NLRP14: variants seen among roughly 807,000 people sequenced by gnomAD.
NLRP14 encodes NACHT, LRR and PYD domains-containing protein 14.
A neutral mutation model predicts 94.7 loss-of-function variants in NLRP14; 105 were observed. The observed-to-expected ratio is 1.11, with a 90% CI of 0.95 to 1.30. The LOEUF (loss-of-function observed/expected upper bound fraction) is 1.30. NLRP14 is among the 50% of genes most tolerant of loss of function. The pLI is 0.00. For synonymous variants in NLRP14, 508 were observed against 459.9 expected, an observed-to-expected ratio of 1.10 and a Z score of -1.34; for missense variants, 1,362 against 1,254.1, an observed-to-expected ratio of 1.09 and a Z score of -1.30.
intron 1 of NLRP14, among the ~76,000 whole-genome samples, chr11:7,030,027 G>C (rs1852069566): frequency 6.6e-6 from 1 of 152,174 alleles, no homozygotes; most frequent in African/African-American, 2.4e-5. Context: ...CTGAAGAAAT[G>C]CTGTCTTAAA....
At chr11:7,076,370 C>G (rs1431569519), downstream of NLRP14, among the ~76,000 whole-genome samples, 2 of 151,992 alleles carry the variant, frequency 1.3e-5, no homozygotes, top group African/African-American at 4.8e-5. Flanking sequence ...TTATCGTTTT[C>G]TTTTTAATTT....
rs373605404 is a variant in NLRP14, at chr11:7,043,101, A to T, written c.1075A>T (p.Asn359Tyr). Reference sequence around the variant, plus strand: ...GAAAGTATTCAGTTCACTAAAAAGCAATGAGATGCTGTTTAGCATGTGCCA... The same window carrying T: ...GAAAGTATTCAGTTCACTAAAAAGCTATGAGATGCTGTTTAGCATGTGCCA... ...AMKVFSSLKSNEMLFSMCQVP... is the reference protein window; with the variant it reads ...AMKVFSSLKSYEMLFSMCQVP... Residue 359 changes from asparagine to tyrosine, a missense_variant, in exon 4 of 12, where the codon AAT (asparagine) becomes TAT (tyrosine). By Grantham distance (143) the Asn-to-Tyr change is moderately radical (BLOSUM62 -2). Coordinates refer to ENST00000299481, the MANE Select transcript of NLRP14 (RefSeq NM_176822.4). 1 of 1,614,070 alleles carries T rather than the reference A, an allele frequency of 6.2e-7. No individual in the cohort carries two copies. The highest frequency in any genetic ancestry group is 1.3e-5 in the African/African-American group (1 of 74,934).
intron 10 of NLRP14, among the ~76,000 whole-genome samples, chr11:7,066,391 G>T (rs1269064164): frequency 6.6e-6 from 1 of 152,092 alleles, no homozygotes; most frequent in African/African-American, 2.4e-5. Context: ...ACTTTTTAAT[G>T]ATCACCATTC....
At chr11:7,053,690 A>G (rs932362483) in intron 6 of NLRP14, among the ~76,000 whole-genome samples, 5 of 151,712 alleles carry the variant, frequency 3.3e-5, no homozygotes, top group African/African-American at 1.2e-4. Flanking sequence ...GTAGGTGTGT[A>G]TACTTACGGG....
chr11:7,036,411 G>A (rs1852160823), intron 1 of NLRP14, among the ~76,000 whole-genome samples: 1 of 152,072 alleles, frequency 6.6e-6, no homozygotes, highest in Non-Finnish European at 1.5e-5. Context: ...AAGCTAATAG[G>A]GTTCAGACTC....
chr11:7,031,409 C>T (rs191829889), intron 1 of NLRP14, among the ~76,000 whole-genome samples: 1 of 152,114 alleles, frequency 6.6e-6, no homozygotes, highest in Non-Finnish European at 1.5e-5. Flanking sequence ...GGCATGGCGC[C>T]GGCCATGACC....
intron 6 of NLRP14, among the ~76,000 whole-genome samples, chr11:7,054,213 G>C (rs1852486070): frequency 6.6e-6 from 1 of 152,126 alleles, no homozygotes; most frequent in Non-Finnish European, 1.5e-5. Flanking sequence ...CCTTTTGATG[G>C]ACATTTAGGT....
In NLRP14 at chr11:7,059,991, T is replaced by A. The variant is rs375637629; in HGVS notation, c.2731T>A (p.Trp911Arg). Residue 911 changes from tryptophan to arginine, a missense_variant, in exon 9 of 12, where the codon TGG becomes AGG. Coordinates refer to ENST00000299481, the MANE Select transcript of NLRP14 (RefSeq NM_176822.4). Reference protein sequence around the residue: ...SLTHLDLGSNWLQDNGVKLLC... With the variant: ...SLTHLDLGSNRLQDNGVKLLC... ...GACGCATCTGGATCTAGGATCAAAC[T>A]GGCTACAAGACAATGGAGTGAAGCT... The A allele has an allele frequency of 6.2e-6, 10 of 1,612,772 alleles. No homozygotes were observed. In the East Asian group the frequency reaches 1.3e-4, roughly 22 times the overall value.
chr11:7,060,918 G>T (rs1208205685), intron 9 of NLRP14, among the ~76,000 whole-genome samples: 1 of 151,978 alleles, frequency 6.6e-6, no homozygotes, highest in African/African-American at 2.4e-5. Context: ...TTATTTTAAT[G>T]ACTGTATGGT....
At chr11:7,084,492 G>A in the NLRP14 span, among the ~76,000 whole-genome samples, 3 of 152,048 alleles carry the variant, frequency 2.0e-5, no homozygotes, top group African/African-American at 7.2e-5. Flanking sequence ...GAGGGGAAAT[G>A]GACTAGAGAT....
intron 10 of NLRP14, among the ~76,000 whole-genome samples, chr11:7,066,465 A>C (rs1042873207): frequency 1.3e-5 from 2 of 152,122 alleles, no homozygotes; most frequent in Admixed American, 1.3e-4. Flanking sequence ...GCCAGTGATG[A>C]TGAGCTTTTT....
rs565320024 is a variant in NLRP14, at chr11:7,043,748, A to G, written c.1722A>G (p.Pro574=). 3 of 1,614,200 alleles carry G rather than the reference A, an allele frequency of 1.9e-6. No homozygotes were observed. Among genetic ancestry groups the G allele is most frequent in the Middle Eastern group, 1.6e-4 (1 of 6,062 alleles). ...MEVLGNSDYS[P]SQLGFLELFH... is the part of the protein sequence containing the mutation. ...TATTAGGAAACAGTGACTATTCTCCATCACAGCTGGGATTTCTGGAGTTGT... is the reference window on the plus strand; with the variant it reads ...TATTAGGAAACAGTGACTATTCTCCGTCACAGCTGGGATTTCTGGAGTTGT... The change falls in exon 4 of 12, where the codon CCA becomes CCG. Residue 574 remains proline, a synonymous_variant. Coordinates refer to ENST00000299481, the MANE Select transcript of NLRP14 (RefSeq NM_176822.4).
chr11:7,069,576 T>G (rs766159040), intron 10 of NLRP14, among the ~76,000 whole-genome samples: 5 of 152,228 alleles, frequency 3.3e-5, no homozygotes, highest in African/African-American at 7.2e-5. Context: ...AATTGCATTT[T>G]TATTTGCATC....
rs750839187 is a variant in NLRP14, at chr11:7,071,212, G to C, written c.3186G>C (p.Leu1062=). 6.2e-7 allele frequency: 1 copy of C among 1,613,876 alleles called. No homozygotes were observed. Among genetic ancestry groups the C allele is most frequent in the Non-Finnish European group, 8.5e-7 (1 of 1,179,918 alleles). ...KEAFDEEAQK[L]LEAVGVSNPH... ...CATTTGATGAGGAAGCCCAGAAGCT[G>C]CTGGAAGCTGTGGGAGTTAGCAATC... The change falls in exon 12 of 12, where the codon CTG becomes CTC. Residue 1062 remains leucine (L), a synonymous_variant. Transcript: ENST00000299481.
In NLRP14 at chr11:7,043,798, A is replaced by T. The variant is rs992007572; in HGVS notation, c.1772A>T (p.Asp591Val). Residue 591 changes from aspartate to valine, a missense_variant, in exon 4 of 12, where the codon GAT (aspartate) becomes GTT (valine). By Grantham distance (152) the Asp-to-Val change is radical. Transcript: ENST00000299481. ...ELFHCLYETQ[D>V]KAFISQAMRC... is the part of the protein sequence containing the mutation. ...TTTCACTGTCTGTATGAGACTCAAGATAAAGCGTTTATAAGCCAGGCAATG... is the reference window on the plus strand; with the variant it reads ...TTTCACTGTCTGTATGAGACTCAAGTTAAAGCGTTTATAAGCCAGGCAATG... The T allele has an allele frequency of 6.2e-7, 1 of 1,614,238 alleles. No homozygotes were observed. Among genetic ancestry groups the T allele is most frequent in the South Asian group, 1.1e-5 (1 of 91,088 alleles).
At chr11:7,080,272 A>G in the NLRP14 span, among the ~76,000 whole-genome samples, 1 of 152,180 alleles carries the variant, frequency 6.6e-6, no homozygotes, top group Non-Finnish European at 1.5e-5. Flanking sequence ...TCAGAATAGA[A>G]TTGTAGGACA....
intron 3 of NLRP14, among the ~76,000 whole-genome samples, chr11:7,040,124 G>T (rs774580106): frequency 3.9e-5 from 6 of 152,196 alleles, no homozygotes; most frequent in African/African-American, 9.7e-5. Context: ...TTTAAAGATG[G>T]TGCTGTAATT....
the NLRP14 span, among the ~76,000 whole-genome samples, chr11:7,078,365 G>C: frequency 6.8e-6 from 1 of 146,898 alleles, no homozygotes; most frequent in Non-Finnish European, 1.5e-5. Context: ...TTGAACCTGG[G>C]AGGTGGAGCT....
At chr11:7,023,365 A>AAT (rs914120598) in intron 1 of NLRP14, among the ~76,000 whole-genome samples, 4 of 146,552 alleles carry the variant, frequency 2.7e-5, no homozygotes, top group Admixed American at 6.8e-5. Flanking sequence ...TACATATATA[A>AAT]ATATATATAT....
Sources: gnomAD v4.1 joint callset for allele counts (sites outside exome capture counted in the v4.1 genomes callset) on GRCh38, gnomAD v4.1.1 for gene constraint, MANE v1.5 for transcripts, NCBI Gene and HGNC (gene_info 2026-07-23, HGNC 2026-07-21) for gene names.